Variants in PSMA1 observed in about 807,000 individuals in gnomAD.
PSMA1 encodes proteasome subunit alpha type-1.
In PSMA1, 3 loss-of-function variants were observed where a neutral mutation model predicts 38.4. That is an observed-to-expected ratio of 0.08 (90% CI 0.04 to 0.20). The LOEUF is 0.20. Ranked by LOEUF, PSMA1 falls within the 10% of genes least tolerant of loss-of-function variation. The pLI is 1.00. For synonymous variants in PSMA1, 101 were observed against 107.1 expected, an observed-to-expected ratio of 0.94 and a Z score of 0.35; for missense variants, 227 against 325.3, an observed-to-expected ratio of 0.70 and a Z score of 2.32.
chr11:14,513,766 C>T, intron 6 of PSMA1, 51 bp downstream of exon 6: 1 of 1,538,928 alleles, frequency 6.5e-7, no homozygotes, highest in Non-Finnish European at 8.7e-7. Context: ...ATAAAAATTT[C>T]TAGTTAATTA....
intron 2 of PSMA1, among the ~76,000 whole-genome samples, chr11:14,602,504 A>G (rs1852594856): frequency 6.6e-6 from 1 of 152,078 alleles, no homozygotes; most frequent in Admixed American, 6.5e-5. Flanking sequence ...TGATTTCTAT[A>G]TATGTATATG....
chr11:14,540,096 A>C (rs1339414395), intron 2 of PSMA1, among the ~76,000 whole-genome samples: 1 of 152,218 alleles, frequency 6.6e-6, no homozygotes, highest in Non-Finnish European at 1.5e-5. Flanking sequence ...TTGTGGCTTC[A>C]GAACTGAAAT....
At position 14,520,021 on chromosome 11, in the gene PSMA1, G is replaced by A; in HGVS notation, c.3+276C>T. The A allele has an allele frequency of 5.2e-6, 3 of 573,902 alleles. No homozygotes were observed. In the South Asian group the frequency reaches 6.3e-5, roughly 12 times the overall value. 35.6% of individuals were successfully genotyped at this position (573,902 alleles called of 1,614,324 possible). Reference sequence around the variant, plus strand: ...TGGACCGCTCAGAATCTACTCCACTGAAGGAACCTGAGGGGCGAACTCATC... The same window carrying A: ...TGGACCGCTCAGAATCTACTCCACTAAAGGAACCTGAGGGGCGAACTCATC... On this transcript the variant is annotated intron_variant, in intron 1 of 9. Coordinates refer to ENST00000396394, the MANE Select transcript of PSMA1 (RefSeq NM_002786.4).
At chr11:14,617,538 G>T (rs1015603877) in intron 1 of PSMA1, among the ~76,000 whole-genome samples, 13 of 152,180 alleles carry the variant, frequency 8.5e-5, no homozygotes, top group African/African-American at 2.9e-4. Flanking sequence ...AATTCTGAGA[G>T]AATACAGAAG....
At chr11:14,532,463 G>A (rs1281030426) in intron 2 of PSMA1, among the ~76,000 whole-genome samples, 5 of 151,940 alleles carry the variant, frequency 3.3e-5, no homozygotes, top group East Asian at 1.9e-4. Flanking sequence ...AACTTAGCCC[G>A]GCGTAGTGGC....
intron 9 of PSMA1, among the ~76,000 whole-genome samples, chr11:14,505,960 A>G (rs1851237627): frequency 6.6e-6 from 1 of 152,190 alleles, no homozygotes; most frequent in Non-Finnish European, 1.5e-5. Flanking sequence ...GCAGTGAGCT[A>G]TGATGGCACC....
chr11:14,516,412 C>T (rs1333154319), intron 4 of PSMA1, among the ~76,000 whole-genome samples: 7 of 152,126 alleles, frequency 4.6e-5, no homozygotes, highest in Non-Finnish European at 8.8e-5. Flanking sequence ...CACTATGTTG[C>T]CCTGGTCTCA....
At chr11:14,593,055 G>T (rs1328826843) in intron 2 of PSMA1, among the ~76,000 whole-genome samples, 2 of 152,160 alleles carry the variant, frequency 1.3e-5, no homozygotes, top group African/African-American at 4.8e-5. Context: ...CACAATAATT[G>T]TTAAATGAGT....
At chr11:14,590,047 CA>C (rs1852392448) in intron 2 of PSMA1, among the ~76,000 whole-genome samples, 2 of 152,176 alleles carry the variant, frequency 1.3e-5, no homozygotes, top group South Asian at 4.1e-4. Flanking sequence ...CATGCTACAA[CA>C]TGGATGAACC....
At chr11:14,569,577 AG>A (rs1318484353) in intron 2 of PSMA1, among the ~76,000 whole-genome samples, 1 of 152,210 alleles carries the variant, frequency 6.6e-6, no homozygotes, top group African/African-American at 2.4e-5. Flanking sequence ...CGCCTGGCTC[AG>A]GGGGTCCCAC....
chr11:14,616,609 A>G (rs1456590493), intron 1 of PSMA1, among the ~76,000 whole-genome samples: 2 of 152,158 alleles, frequency 1.3e-5, no homozygotes. Flanking sequence ...CAATAGATAA[A>G]GGTTAAAATA....
chr11:14,548,254 T>C (rs1245059339), intron 2 of PSMA1, among the ~76,000 whole-genome samples: 1 of 152,226 alleles, frequency 6.6e-6, no homozygotes, highest in African/African-American at 2.4e-5. Context: ...TCTATTATTA[T>C]GTACTATTAT....
intron 2 of PSMA1, among the ~76,000 whole-genome samples, chr11:14,540,006 G>C (rs929777066): frequency 2.6e-5 from 4 of 152,226 alleles, no homozygotes; most frequent in Non-Finnish European, 4.4e-5. Flanking sequence ...TTAGCCTGTA[G>C]TGCTGCGTGA....
intron 2 of PSMA1, among the ~76,000 whole-genome samples, chr11:14,576,454 G>A (rs1852216897): frequency 6.6e-6 from 1 of 152,184 alleles, no homozygotes; most frequent in African/African-American, 2.4e-5. Context: ...ATTAATTTTT[G>A]TATAAGGTGT....
intron 1 of PSMA1, among the ~76,000 whole-genome samples, chr11:14,614,409 C>A (rs553274129): frequency 6.3e-4 from 96 of 151,882 alleles, no homozygotes; most frequent in African/African-American, 2.1e-3. Flanking sequence ...AAAAAAAAAC[C>A]CCAAATAATG....
intron 2 of PSMA1, among the ~76,000 whole-genome samples, chr11:14,604,337 C>G (rs1852617850): frequency 6.6e-6 from 1 of 152,182 alleles, no homozygotes; most frequent in South Asian, 2.1e-4. Flanking sequence ...GTTGGGATTA[C>G]AGATGTGAGC....
chr11:14,628,663 G>A (rs1852954826), intron 1 of PSMA1, among the ~76,000 whole-genome samples: 1 of 139,484 alleles, frequency 7.2e-6, no homozygotes, highest in South Asian at 2.5e-4. Flanking sequence ...ATGATTTATA[G>A]TCCTTTGGGT....
intron 1 of PSMA1, among the ~76,000 whole-genome samples, chr11:14,614,389 T>C (rs1349469606): frequency 6.6e-6 from 1 of 151,974 alleles, no homozygotes; most frequent in Non-Finnish European, 1.5e-5. Flanking sequence ...ATATGTTTCA[T>C]ATAAGCTGAA....
intron 1 of PSMA1, among the ~76,000 whole-genome samples, chr11:14,639,261 G>C (rs952341811): frequency 4.5e-5 from 6 of 132,390 alleles, no homozygotes; most frequent in African/African-American, 1.3e-4. Flanking sequence ...TGTAAATCTA[G>C]GAAAAAGGGT....
Sources: allele counts gnomAD v4.1 joint callset (sites outside exome capture counted in the v4.1 genomes callset), GRCh38; gene constraint gnomAD v4.1.1; transcripts MANE v1.5; gene names NCBI Gene and HGNC (gene_info 2026-07-23, HGNC 2026-07-21).